The following WDR20 variants were observed in gnomAD, a reference collection of about 807,000 sequenced individuals.
WDR20 encodes the protein WD repeat domain 20, also known as WD repeat-containing protein 20.
In WDR20, 3 loss-of-function variants were observed where a neutral mutation model predicts 38.7. That is an observed-to-expected ratio of 0.08 (90% CI 0.04 to 0.20). The LOEUF is 0.20. Ranked by LOEUF, WDR20 falls within the 10% of genes least tolerant of loss-of-function variation. The pLI is 1.00. For synonymous variants in WDR20, 298 were observed against 285.6 expected, an observed-to-expected ratio of 1.04 and a Z score of -0.44; for missense variants, 559 against 727.7, an observed-to-expected ratio of 0.77 and a Z score of 2.67.
intron 2 of WDR20, among the ~76,000 whole-genome samples, chr14:102,203,484 A>C (rs2060892221): frequency 6.6e-6 from 1 of 152,142 alleles, no homozygotes; most frequent in Non-Finnish European, 1.5e-5. Flanking sequence ...GTCCCAGCCG[A>C]AGCCCTTTAG....
intron 1 of WDR20, among the ~76,000 whole-genome samples, chr14:102,194,698 A>T (rs1418332722): frequency 6.6e-6 from 1 of 152,204 alleles, no homozygotes; most frequent in Non-Finnish European, 1.5e-5. Flanking sequence ...TTTGAAGGAG[A>T]ATAAGTTGTG....
At chr14:102,150,766 TG>T (rs1183579071) in intron 1 of WDR20, among the ~76,000 whole-genome samples, 1 of 152,146 alleles carries the variant, frequency 6.6e-6, no homozygotes, top group Non-Finnish European at 1.5e-5. Flanking sequence ...CAAAGAAGTA[TG>T]AGGTATGGGC....
chr14:102,161,142 A>ATTTTTTTT lies in WDR20; in HGVS notation c.249+20989_249+20996dup, dbSNP rs1233679287. On this transcript the variant is annotated intron_variant, in intron 1 of 2. Transcript: ENST00000342702. ...ACTGCATATATATATATATATATAT[A>ATTTTTTTT]TTTTTTTTTTTTTTTTTTTTTTTTT... Among the ~76,000 whole-genome samples the ATTTTTTTT allele has an allele frequency of 4.4e-4, 7 of 16,052 alleles. 1 individual carries two copies. The highest frequency in any genetic ancestry group is 5.7e-4 in the Non-Finnish European group (6 of 10,478). The allele number at this position is 16,052 out of a possible 152,430, so 10.5% of individuals were successfully genotyped here.
chr14:102,158,487 G>A (rs1356460374), intron 1 of WDR20, among the ~76,000 whole-genome samples: 4 of 151,306 alleles, frequency 2.6e-5, no homozygotes, highest in Non-Finnish European at 4.4e-5. Flanking sequence ...AAATAGAGAC[G>A]GGGTTTCACC....
In WDR20 at chr14:102,207,338, T is replaced by TA. The variant is rs1301856706; in HGVS notation, c.433-1260dup. On this transcript the variant is annotated intron_variant, in intron 2 of 2. Coordinates refer to ENST00000342702, the MANE Select transcript of WDR20 (RefSeq NM_144574.4). This position sits in a 1 kb window ranked among gnomAD's most constrained non-coding sequence, Gnocchi z 5.0. ...TTAATTTCTTTCCCAGCCGTTCTTT[T>TA]AAAAATCAAGTCGTCTTATTTCTGT... 1.3e-5 allele frequency among the ~76,000 whole-genome samples: 2 copies of TA among 152,268 alleles called. No individual in the cohort carries two copies. The highest frequency in any genetic ancestry group is 2.4e-5 in the African/African-American group (1 of 41,472).
At chr14:102,189,295 G>A (rs1055618496) in intron 1 of WDR20, among the ~76,000 whole-genome samples, 2 of 152,144 alleles carry the variant, frequency 1.3e-5, no homozygotes, top group East Asian at 1.9e-4. Flanking sequence ...ACTGATCGAG[G>A]CTTTGGTAAC....
At chr14:102,182,214 T>C (rs1043006466) in intron 1 of WDR20, among the ~76,000 whole-genome samples, 2 of 152,162 alleles carry the variant, frequency 1.3e-5, no homozygotes, top group African/African-American at 4.8e-5. Flanking sequence ...TTGGAACAGA[T>C]TGGATTTCCC....
At chr14:102,175,023 T>C (rs1248958283) in intron 1 of WDR20, among the ~76,000 whole-genome samples, 2 of 152,234 alleles carry the variant, frequency 1.3e-5, no homozygotes, top group Non-Finnish European at 1.5e-5. Flanking sequence ...TTTACTCTGC[T>C]GATTATTTCT....
In WDR20 at chr14:102,208,894, G is replaced by A. The variant is rs1198222228; in HGVS notation, c.724G>A (p.Gly242Arg). The A allele has an allele frequency of 1.9e-6, 3 of 1,614,114 alleles. No homozygotes were observed. The highest frequency in any genetic ancestry group is 1.3e-5 in the African/African-American group (1 of 74,940). ...GKFLACVSQD[G>R]FLRVFNFDSV... ...GTTCTTAGCGTGCGTGAGCCAGGAC[G>A]GGTTTCTGCGGGTGTTCAACTTTGA... The change falls in exon 3 of 3, where the codon GGG (glycine) becomes AGG (arginine). Residue 242 changes from glycine to arginine, a missense_variant. Physicochemically the swap from Gly to Arg is moderately radical, Grantham distance 125. Coordinates refer to ENST00000342702, the MANE Select transcript of WDR20 (RefSeq NM_144574.4). The surrounding 1 kb of genome is among the most constrained non-coding windows in gnomAD (Gnocchi z 5.6).
intron 1 of WDR20, among the ~76,000 whole-genome samples, chr14:102,187,849 G>A (rs574724942): frequency 6.6e-6 from 1 of 152,304 alleles, no homozygotes; most frequent in South Asian, 2.1e-4. Flanking sequence ...AAGCTGGTTG[G>A]GGTGGGGCTT....
intron 1 of WDR20, among the ~76,000 whole-genome samples, chr14:102,165,351 A>AT (rs1451342961): frequency 1.3e-5 from 2 of 152,190 alleles, no homozygotes; most frequent in Non-Finnish European, 1.5e-5. Context: ...GAGTTTGTCA[A>AT]TTAAAATTTT....
At chr14:102,149,849 C>T (rs554106961) in intron 1 of WDR20, among the ~76,000 whole-genome samples, 56 of 152,246 alleles carry the variant, frequency 3.7e-4, no homozygotes, top group African/African-American at 1.2e-3. Context: ...CATGCCACCA[C>T]GCCCGGCTAA....
At chr14:102,163,584 C>T (rs183037592) in intron 1 of WDR20, among the ~76,000 whole-genome samples, 72 of 138,772 alleles carry the variant, frequency 5.2e-4, no homozygotes, top group African/African-American at 1.9e-3. Context: ...GCCAAGATTG[C>T]GCCGCTGCAC....
At chr14:102,213,627 A>C (rs1167666088), downstream of WDR20, 2 of 985,412 alleles carry the variant, frequency 2.0e-6, no homozygotes, top group Non-Finnish European at 1.2e-6. Context: ...CCACTGGCTG[A>C]CTTCACCCCC....
intron 1 of WDR20, among the ~76,000 whole-genome samples, chr14:102,151,173 ATTTTTTTTTTTTTTT>A (rs534503694): frequency 1.8e-5 from 2 of 111,548 alleles, no homozygotes; most frequent in Non-Finnish European, 3.4e-5. Context: ...CCATTGGGGA[ATTTTTTTTTTTTTTT>A]TTTTTTTTTT....
intron 2 of WDR20, among the ~76,000 whole-genome samples, chr14:102,201,457 T>A (rs946803931): frequency 1.1e-4 from 17 of 152,360 alleles, no homozygotes; most frequent in Middle Eastern, 3.4e-3. Flanking sequence ...GGTTATAGAC[T>A]TATTTTTATT....
At chr14:102,175,224 G>T (rs572256033) in intron 1 of WDR20, among the ~76,000 whole-genome samples, 2 of 152,276 alleles carry the variant, frequency 1.3e-5, no homozygotes, top group South Asian at 4.2e-4. Flanking sequence ...GTTGATTTTT[G>T]TATAAGGTGA....
At chr14:102,203,690 C>T (rs755479927) in intron 2 of WDR20, among the ~76,000 whole-genome samples, 2 of 152,166 alleles carry the variant, frequency 1.3e-5, no homozygotes, top group Non-Finnish European at 2.9e-5. Context: ...CCTGCCCACC[C>T]CCGAAACCCC....
intron 1 of WDR20, among the ~76,000 whole-genome samples, chr14:102,181,296 G>A (rs2063322648): frequency 6.6e-6 from 1 of 152,200 alleles, no homozygotes; most frequent in Non-Finnish European, 1.5e-5. Flanking sequence ...GGTGAGAGGA[G>A]AAGGAGACTG....
Sources: gnomAD v4.1 joint callset for allele counts (sites outside exome capture counted in the v4.1 genomes callset) on GRCh38, gnomAD v4.1.1 for gene constraint, Gnocchi (gnomAD v3.1) non-coding constraint, MANE v1.5 for transcripts, NCBI Gene and HGNC (gene_info 2026-07-23, HGNC 2026-07-21) for gene names.